CTCF: variants seen among roughly 807,000 people sequenced by gnomAD.
The protein encoded by CTCF is CCCTC-binding factor, also known as transcriptional repressor CTCF.
CTCF carries 7 observed loss-of-function variants against 72.3 expected under a neutral mutation model. That is an observed-to-expected ratio of 0.10 (90% CI 0.06 to 0.18). The LOEUF (loss-of-function observed/expected upper bound fraction) is 0.18. Ranked by LOEUF, CTCF falls within the 10% of genes least tolerant of loss-of-function variation. CTCF has a pLI of 1.00. For missense variants in CTCF, 516 were observed against 949.1 expected (o/e 0.54, Z 6.00); for synonymous variants, 374 against 315.8 (o/e 1.18, Z -1.95).
Position 67,632,074 on chromosome 16 carries a change from C to CAAAAA in CTCF, c.1837+2552_1837+2556dup, listed in dbSNP as rs556248338. ...GGGTAACAGAGCGAGACCCTGTCTC[C>CAAAAA]AAAAAAAAAAAAAAAGGGAAAAAAA... On this transcript the variant is annotated intron_variant, in intron 10 of 11. Coordinates refer to ENST00000264010, the MANE Select transcript of CTCF (RefSeq NM_006565.4). Among the ~76,000 whole-genome samples the CAAAAA allele has an allele frequency of 1.6e-4, 15 of 96,356 alleles. 2 individuals carry two copies. The highest frequency in any genetic ancestry group is 2.1e-4 in the Non-Finnish European group (10 of 46,682). The allele number at this position is 96,356 out of a possible 152,430, so 63.2% of individuals were successfully genotyped here.
chr16:67,632,893 G>C (rs988424853), intron 10 of CTCF, among the ~76,000 whole-genome samples: 5 of 152,196 alleles, frequency 3.3e-5, no homozygotes, highest in Admixed American at 2.6e-4. Context: ...CAGAGAAAGA[G>C]AGTGCATGTT....
At chr16:67,583,469 C>G (rs1296995117) in intron 2 of CTCF, among the ~76,000 whole-genome samples, 1 of 151,716 alleles carries the variant, frequency 6.6e-6, no homozygotes, top group African/African-American at 2.4e-5. Context: ...GGTGGATCAC[C>G]TGAGGTCAAG....
rs766362012 is a variant in CTCF, at chr16:67,631,154, G to GTTTTTTTTTTTTTTTTTTTTTTTTTT, written c.1837+1631_1837+1632insTTTTTTTTTTTTTTTTTTTTTTTTTT. On this transcript the variant is annotated intron_variant, in intron 10 of 11. Transcript: ENST00000264010. ...ATTGGGCTTTTTTTGTTCTTTGTTT[G>GTTTTTTTTTTTTTTTTTTTTTTTTTT]TTTTTTTTTTGTTTTTTGTTTTTTT... Among the ~76,000 whole-genome samples the GTTTTTTTTTTTTTTTTTTTTTTTTTT allele has an allele frequency of 4.0e-5, 5 of 125,020 alleles. 1 individual carries two copies. Among genetic ancestry groups the GTTTTTTTTTTTTTTTTTTTTTTTTTT allele is most frequent in the African/African-American group, 1.7e-4 (5 of 29,760 alleles). 82.0% of individuals were successfully genotyped at this position (125,020 alleles called of 152,430 possible).
Position 67,616,594 on chromosome 16 carries a change from TC to T in CTCF, c.953-150del. The T allele has an allele frequency of 7.6e-6, 6 of 789,902 alleles. No homozygotes were observed. The South Asian group carries it at 1.0e-4, about 14-fold the overall frequency. The allele number at this position is 789,902 out of a possible 1,614,324, so 48.9% of individuals were successfully genotyped here. A position where few individuals can be genotyped will look rare whatever the true frequency, so the allele number is the denominator to read the frequency against. On this transcript the variant is annotated intron_variant, in intron 4 of 11. Coordinates refer to ENST00000264010, the MANE Select transcript of CTCF (RefSeq NM_006565.4). ...ATTCATCCAGGCCCTCCCATAGTTT[TC>T]GGAGCTGACTTTTGTATCTGCTTTC...
At position 67,610,915 on chromosome 16, in the gene CTCF, G is replaced by A. The variant is rs773609766; in HGVS notation, c.83G>A (p.Arg28His). The A allele has an allele frequency of 1.9e-6, 3 of 1,538,630 alleles. No homozygotes were observed. Among genetic ancestry groups the A allele is most frequent in the Non-Finnish European group, 2.6e-6 (3 of 1,142,462 alleles). ...KGKERKTYQR[R>H]REGGQEEDAC... is the part of the protein sequence containing the mutation. ...AAGGAGAGAAAGACTTACCAGAGAC[G>A]CCGGGAAGGGGGCCAGGAAGAAGAT... Residue 28 changes from arginine (R) to histidine (H), a missense_variant, in exon 3 of 12, where the codon CGC becomes CAC. Arg to His is a conservative substitution (Grantham distance 29). Transcript: ENST00000264010.
Position 67,638,099 on chromosome 16 carries a change from C to T in CTCF, c.*227C>T. On this transcript the variant is annotated 3_prime_UTR_variant, in exon 12 of 12. Transcript: ENST00000264010. ...AATGTTCTGAGTCCCTGAGGGTTTA[C>T]TGTGAAGTGCTGAGGACAGTGTTGA... 1.9e-6 allele frequency: 1 copy of T among 518,434 alleles called. No individual in the cohort carries two copies. The highest frequency in any genetic ancestry group is 3.0e-5 in the East Asian group (1 of 33,824). 32.1% of individuals were successfully genotyped at this position (518,434 alleles called of 1,614,324 possible). A position where few individuals can be genotyped will look rare whatever the true frequency, so the allele number is the denominator to read the frequency against.
chr16:67,576,449 TTTTTC>T (rs2051498077), intron 2 of CTCF, among the ~76,000 whole-genome samples: 1 of 151,978 alleles, frequency 6.6e-6, no homozygotes, highest in African/African-American at 2.4e-5. Context: ...GCAAATACTT[TTTTTC>T]TTTTCTTAGA....
chr16:67,597,595 C>G (rs1382049806), intron 2 of CTCF, among the ~76,000 whole-genome samples: 3 of 152,198 alleles, frequency 2.0e-5, no homozygotes, highest in Non-Finnish European at 4.4e-5. Flanking sequence ...CCTTGGCCTC[C>G]CGAAGTGCTG....
chr16:67,628,249 C>T, intron 8 of CTCF, 121 bp from the exon 9 acceptor site: 1 of 788,738 alleles, frequency 1.3e-6, no homozygotes, highest in Non-Finnish European at 2.0e-6. Context: ...TCTCAACAAG[C>T]CGTGTGGAGT....
At chr16:67,613,644 C>G (rs2052089482) in intron 4 of CTCF, among the ~76,000 whole-genome samples, 1 of 152,128 alleles carries the variant, frequency 6.6e-6, no homozygotes, top group Non-Finnish European at 1.5e-5. Context: ...GGTGTAGTGG[C>G]ACACGCCTGT....
chr16:67,621,606 T>TA lies in CTCF; in HGVS notation c.1357+16dup. 6.4e-7 allele frequency: 1 copy of TA among 1,562,998 alleles called. No homozygotes were observed. The highest frequency in any genetic ancestry group is 1.1e-5 in the South Asian group (1 of 87,302). ...AAGTGATTTGGGTAAGTAGATTAAC[T>TA]AGTGAGAAGTGAAAAAAATATTTTG... On this transcript the variant is annotated intron_variant, in intron 7 of 11. Coordinates refer to ENST00000264010, the MANE Select transcript of CTCF (RefSeq NM_006565.4).
At chr16:67,576,453 T>C (rs1213628501) in intron 2 of CTCF, among the ~76,000 whole-genome samples, 2 of 152,010 alleles carry the variant, frequency 1.3e-5, no homozygotes, top group African/African-American at 4.8e-5. Context: ...ATACTTTTTT[T>C]CTTTTCTTAG....
At chr16:67,604,602 A>G (rs2051944422) in intron 2 of CTCF, among the ~76,000 whole-genome samples, 1 of 152,082 alleles carries the variant, frequency 6.6e-6, no homozygotes, top group Admixed American at 6.6e-5. Context: ...TGGCCTCCCA[A>G]AGTGTTGGGA....
At chr16:67,584,334 C>CGTCTTTTTTTTTTTTTTTTTTTT (rs1567596519) in intron 2 of CTCF, among the ~76,000 whole-genome samples, 1 of 121,928 alleles carries the variant, frequency 8.2e-6, no homozygotes, top group African/African-American at 3.7e-5. Context: ...AAAAAAAAGT[C>CGTCTTTTTTTTTTTTTTTTTTTT]TTCTTTTTTT....
chr16:67,583,823 C>T (rs2051623775), intron 2 of CTCF, among the ~76,000 whole-genome samples: 1 of 152,034 alleles, frequency 6.6e-6, no homozygotes, highest in Non-Finnish European at 1.5e-5. Context: ...GAGAAAAGGG[C>T]ATTCTGGTAA....
intron 7 of CTCF, among the ~76,000 whole-genome samples, chr16:67,624,887 C>G (rs1293255932): frequency 6.6e-6 from 1 of 151,934 alleles, no homozygotes. Context: ...AGCCACCACA[C>G]CTGGCCCAAC....
At chr16:67,572,291 C>A (rs1011050271) in intron 2 of CTCF, among the ~76,000 whole-genome samples, 4 of 152,176 alleles carry the variant, frequency 2.6e-5, no homozygotes, top group African/African-American at 9.7e-5. Context: ...ATAACTTACG[C>A]CCTGCAGGTT....
At chr16:67,624,916 G>A (rs1370650239) in intron 7 of CTCF, among the ~76,000 whole-genome samples, 2 of 151,896 alleles carry the variant, frequency 1.3e-5, no homozygotes, top group African/African-American at 4.8e-5. Context: ...TTCTTTGTGT[G>A]TATGTGTGCT....
Position 67,603,550 on chromosome 16 carries a change from T to C in CTCF, c.-9-7274T>C, listed in dbSNP as rs530100375. On this transcript the variant is annotated intron_variant, in intron 2 of 11. Coordinates refer to ENST00000264010, the MANE Select transcript of CTCF (RefSeq NM_006565.4). ...TCCCTCTCAAAAAAAAAAGGCTGGG[T>C]GTGGTGGCTCACACCTGTAATCCTG... is the stretch of plus-strand genomic sequence containing the variant. Among the ~76,000 whole-genome samples the C allele has an allele frequency of 5.6e-5, 8 of 142,776 alleles. No homozygotes were observed. The East Asian group carries it at 1.4e-3, about 26-fold the overall frequency. The allele number at this position is 142,776 out of a possible 152,430, so 93.7% of individuals were successfully genotyped here.
Sources: allele counts gnomAD v4.1 joint callset (sites outside exome capture counted in the v4.1 genomes callset), GRCh38; gene constraint gnomAD v4.1.1; transcripts MANE v1.5; gene names NCBI Gene and HGNC (gene_info 2026-07-23, HGNC 2026-07-21).